RGSL1: variants seen among roughly 807,000 people sequenced by gnomAD.
The protein encoded by RGSL1 is regulator of G protein signaling like 1.
A neutral mutation model predicts 124.7 loss-of-function variants in RGSL1; 97 were observed. The ratio of observed to expected loss-of-function variants is 0.78; its 90% CI spans 0.66 to 0.92. The LOEUF (loss-of-function observed/expected upper bound fraction) is 0.92. RGSL1 is among the 40% of genes least tolerant of loss of function. The pLI is 0.00. For synonymous variants in RGSL1, 424 were observed against 438.1 expected (o/e 0.97, Z 0.40); for missense variants, 1,233 against 1,288.4 (o/e 0.96, Z 0.66).
chr1:182,532,811 AC>A lies in RGSL1; in HGVS notation c.2494+25del. On this transcript the variant is annotated intron_variant, in intron 14 of 21. Coordinates refer to ENST00000294854, the MANE Select transcript of RGSL1 (RefSeq NM_001137669.2). Reference sequence around the variant, plus strand: ...AGGAAAGTAAGTCATTTCTGTATTTACCCCCACTCCCTGTTGATATTTTAGC... The same window carrying A: ...AGGAAAGTAAGTCATTTCTGTATTTACCCCACTCCCTGTTGATATTTTAGC... The A allele has an allele frequency of 6.5e-7, 1 of 1,544,752 alleles. No homozygotes were observed.
intron 9 of RGSL1, among the ~76,000 whole-genome samples, chr1:182,498,764 TTA>T (rs1240148082): frequency 2.6e-5 from 4 of 151,382 alleles, no homozygotes; most frequent in Non-Finnish European, 5.9e-5. Flanking sequence ...CTATGGCTGA[TTA>T]TGTGACCAAC....
In RGSL1 at chr1:182,488,141, A is replaced by C; in HGVS notation, c.1432-144A>C. On this transcript the variant is annotated intron_variant, in intron 6 of 21. Coordinates refer to ENST00000294854, the MANE Select transcript of RGSL1 (RefSeq NM_001137669.2). ...AAAAGAATGCCTCCTGGTTGGTCAT[A>C]GCTAATGTTTGCTGTTCCATTAGAT... is the stretch of plus-strand genomic sequence containing the variant. The C allele has an allele frequency of 2.2e-5, 16 of 724,674 alleles. No homozygotes were observed. The South Asian group carries it at 2.8e-4, about 13-fold the overall frequency. 44.9% of individuals were successfully genotyped at this position (724,674 alleles called of 1,614,324 possible).
intron 9 of RGSL1, among the ~76,000 whole-genome samples, chr1:182,498,796 G>GTTTT (rs11403995): frequency 2.0e-5 from 3 of 146,602 alleles, no homozygotes; most frequent in African/African-American, 2.5e-5. Flanking sequence ...TCCTTTGTTT[G>GTTTT]TTTGTTTTTT....
chr1:182,526,173 G>A (rs1009577441), intron 10 of RGSL1, among the ~76,000 whole-genome samples: 1 of 152,166 alleles, frequency 6.6e-6, no homozygotes, highest in Non-Finnish European at 1.5e-5. Flanking sequence ...GATAAATAAT[G>A]TCAATATTCC....
chr1:182,461,894 A>G (rs931758384), intron 4 of RGSL1, among the ~76,000 whole-genome samples: 3 of 152,164 alleles, frequency 2.0e-5, no homozygotes, highest in African/African-American at 7.2e-5. Flanking sequence ...CAACACACAC[A>G]TACATTATGG....
chr1:182,471,228 G>A (rs1032759930), intron 4 of RGSL1: 2 of 456,740 alleles, frequency 4.4e-6, no homozygotes, highest in Non-Finnish European at 4.4e-6. Flanking sequence ...GGCTGGGAGA[G>A]GGGTCAGGGG....
chr1:182,509,816 TG>T (rs1657240191), intron 9 of RGSL1, among the ~76,000 whole-genome samples: 1 of 111,722 alleles, frequency 9.0e-6, no homozygotes, highest in African/African-American at 3.8e-5. Flanking sequence ...GGCGGGGGGC[TG>T]ACCCCCCCCC....
At chr1:182,469,711 T>C (rs1653660464) in intron 4 of RGSL1, among the ~76,000 whole-genome samples, 2 of 152,192 alleles carry the variant, frequency 1.3e-5, no homozygotes, top group Non-Finnish European at 2.9e-5. Flanking sequence ...TCCATGTCCA[T>C]AGGAGCATTA....
At chr1:182,536,821 C>T (rs1306027933) in intron 14 of RGSL1, among the ~76,000 whole-genome samples, 1 of 152,088 alleles carries the variant, frequency 6.6e-6, no homozygotes, top group African/African-American at 2.4e-5. Flanking sequence ...ATGAGAACAG[C>T]ACGGGAAAGA....
intron 15 of RGSL1, among the ~76,000 whole-genome samples, chr1:182,546,202 T>C (rs1040871380): frequency 2.6e-5 from 4 of 152,210 alleles, no homozygotes; most frequent in Non-Finnish European, 5.9e-5. Context: ...TGAGTTTCCA[T>C]ATGGGAGAAT....
At chr1:182,542,444 C>A (rs958608182) in intron 15 of RGSL1, among the ~76,000 whole-genome samples, 1 of 152,154 alleles carries the variant, frequency 6.6e-6, no homozygotes, top group African/African-American at 2.4e-5. Flanking sequence ...TATGCCAGCA[C>A]CATGCTGATT....
At chr1:182,489,963 T>C (rs1655397865) in intron 8 of RGSL1, among the ~76,000 whole-genome samples, 2 of 152,226 alleles carry the variant, frequency 1.3e-5, no homozygotes, top group African/African-American at 4.8e-5. Context: ...GAATACTGCA[T>C]ATTTCTCAAA....
chr1:182,464,422 A>C (rs922337274), intron 4 of RGSL1, among the ~76,000 whole-genome samples: 1 of 152,182 alleles, frequency 6.6e-6, no homozygotes, highest in Admixed American at 6.5e-5. Flanking sequence ...AGTTAAGTGG[A>C]TTAAGAAAAA....
chr1:182,494,316 A>G (rs1300775981), intron 9 of RGSL1, among the ~76,000 whole-genome samples: 10 of 152,164 alleles, frequency 6.6e-5, no homozygotes, highest in Non-Finnish European at 2.9e-5. Flanking sequence ...ATGCGATTGA[A>G]CAGCTACTAT....
chr1:182,450,039 C>A, upstream of RGSL1: 2 of 1,083,926 alleles, frequency 1.8e-6, no homozygotes, highest in Admixed American at 2.0e-5. Flanking sequence ...GTAAGTAGAT[C>A]ACTGCCAGAT....
At chr1:182,537,237 T>G (rs1448116311) in intron 14 of RGSL1, among the ~76,000 whole-genome samples, 1 of 152,094 alleles carries the variant, frequency 6.6e-6, no homozygotes, top group East Asian at 1.9e-4. Flanking sequence ...GCAGTCAAAA[T>G]GCAGGGAGGG....
intron 8 of RGSL1, among the ~76,000 whole-genome samples, chr1:182,490,993 C>T (rs1558298904): frequency 2.1e-5 from 3 of 145,878 alleles, no homozygotes; most frequent in Admixed American, 7.1e-5. Context: ...CAGACTCAAG[C>T]GAAGCTCCCA....
intron 18 of RGSL1, among the ~76,000 whole-genome samples, chr1:182,552,936 C>T (rs1660656534): frequency 6.6e-6 from 1 of 152,098 alleles, no homozygotes; most frequent in Non-Finnish European, 1.5e-5. Context: ...TTTGCTCTTG[C>T]TGCCCAGGCT....
At chr1:182,454,090 T>G in intron 2 of RGSL1, 50 bp downstream of exon 2, 2 of 1,082,276 alleles carry the variant, frequency 1.8e-6, no homozygotes, top group Non-Finnish European at 2.8e-6. Context: ...AGCTGAATAG[T>G]GAATCTCACA....
Sources: gnomAD v4.1 joint callset for allele counts (sites outside exome capture counted in the v4.1 genomes callset) on GRCh38, gnomAD v4.1.1 for gene constraint, MANE v1.5 for transcripts, NCBI Gene and HGNC (gene_info 2026-07-23, HGNC 2026-07-21) for gene names.